Variants in HSF2 observed in about 807,000 individuals in gnomAD.
HSF2 encodes heat shock transcription factor 2.
A neutral mutation model predicts 65.0 loss-of-function variants in HSF2; 21 were observed. That is an observed-to-expected ratio of 0.32 (90% confidence interval 0.23 to 0.47). The LOEUF (loss-of-function observed/expected upper bound fraction) is 0.47, where lower values mean the gene tolerates loss of function less well. Among genes scored for constraint, HSF2 ranks in the 20% least tolerant of loss-of-function variants. The pLI is 1.00. For missense variants in HSF2, 499 were observed against 628.1 expected, an observed-to-expected ratio of 0.79 and a Z score of 2.20; for synonymous variants, 225 against 219.1, an observed-to-expected ratio of 1.03 and a Z score of -0.24.
At chr6:122,420,736 G>C (rs1774217162) in intron 7 of HSF2, among the ~76,000 whole-genome samples, 1 of 63,578 alleles carries the variant, frequency 1.6e-5, no homozygotes, top group African/African-American at 5.6e-5. Flanking sequence ...TTTTGAGATG[G>C]GATTTCACTC....
upstream of HSF2, chr6:122,399,600 T>A: frequency 1.6e-6 from 1 of 636,648 alleles, no homozygotes; most frequent in South Asian, 1.9e-5. Context: ...GCCGCGCGCC[T>A]GGCGGGGTTG....
At chr6:122,412,890 T>A in intron 3 of HSF2, 126 bp downstream of exon 3, 1 of 880,800 alleles carries the variant, frequency 1.1e-6, no homozygotes. Flanking sequence ...ATTAGGATAA[T>A]AAAGTTTTAC....
At position 122,432,106 on chromosome 6, in the gene HSF2, G is replaced by A; in HGVS notation, c.1497G>A (p.Lys499=). ...SSLDPEPTQS[K]LVRLEPLTEA... ...TAGACCCAGAACCAACCCAAAGTAA[G>A]CTTGTTCGCCTGGAGCCATTGACTG... The change falls in exon 13 of 13, where the codon AAG becomes AAA. Residue 499 remains lysine, a synonymous_variant. Transcript: ENST00000368455. 6.2e-7 allele frequency: 1 copy of A among 1,614,112 alleles called. No individual in the cohort carries two copies. The highest frequency in any genetic ancestry group is 8.5e-7 in the Non-Finnish European group (1 of 1,179,988).
In HSF2 at chr6:122,399,698, G is replaced by A; in HGVS notation, c.-40G>A. 6.8e-7 allele frequency: 1 copy of A among 1,481,460 alleles called. No homozygotes were observed. Among genetic ancestry groups the A allele is most frequent in the Non-Finnish European group, 9.3e-7 (1 of 1,072,898 alleles). The allele number at this position is 1,481,460 out of a possible 1,614,324, so 91.8% of individuals were successfully genotyped here. A position where few individuals can be genotyped will look rare whatever the true frequency, so the allele number is the denominator to read the frequency against. On this transcript the variant is annotated 5_prime_UTR_variant, in exon 1 of 13. Transcript: ENST00000368455. ...TAGCTGCCGCCGCCGCTACCACCGC[G>A]TTCGGGTGTAGAATTTGGAATCCCT... is the stretch of plus-strand genomic sequence containing the variant.
intron 5 of HSF2, among the ~76,000 whole-genome samples, chr6:122,417,566 G>T (rs1483097305): frequency 6.6e-6 from 1 of 152,008 alleles, no homozygotes; most frequent in Non-Finnish European, 1.5e-5. Flanking sequence ...TCTGCTCCTG[G>T]AATTTACTCT....
chr6:122,403,076 A>G (rs1312611239), intron 1 of HSF2, among the ~76,000 whole-genome samples: 1 of 151,366 alleles, frequency 6.6e-6, no homozygotes, highest in Non-Finnish European at 1.5e-5. Flanking sequence ...GGGAAAAAAA[A>G]CTCTTACCAA....
chr6:122,407,688 G>T (rs1325453899), intron 1 of HSF2, among the ~76,000 whole-genome samples: 3 of 151,658 alleles, frequency 2.0e-5, no homozygotes, highest in Non-Finnish European at 2.9e-5. Context: ...TTACATTTTA[G>T]TTGTCTAGCA....
chr6:122,410,698 CATA>C (rs1211154558), intron 1 of HSF2, among the ~76,000 whole-genome samples: 2 of 151,856 alleles, frequency 1.3e-5, no homozygotes, highest in Non-Finnish European at 2.9e-5. Flanking sequence ...TATTTCACAG[CATA>C]ATGTTTTCAA....
intron 5 of HSF2, among the ~76,000 whole-genome samples, chr6:122,417,585 G>T (rs45440796): frequency 2.8e-4 from 42 of 152,250 alleles, no homozygotes; most frequent in Non-Finnish European, 5.9e-4. Context: ...CTCAGCCATG[G>T]ATTAATTGAG....
chr6:122,423,970 C>G (rs529843675), intron 10 of HSF2, among the ~76,000 whole-genome samples: 5 of 152,054 alleles, frequency 3.3e-5, no homozygotes, highest in African/African-American at 1.2e-4. Context: ...GGACTTGTTG[C>G]TCTTTTCTGT....
chr6:122,431,416 T>TATA lies in HSF2; in HGVS notation c.1231-14_1231-13insATA, dbSNP rs57738769. On this transcript the variant is annotated splice_polypyrimidine_tract_variant and intron_variant, in intron 11 of 12. Transcript: ENST00000368455. ...TATGAAACAAGTACTTATATATATA[T>TATA]TTTTTTCTTTTAGTCTGAGAATAAA... 2.7e-5 allele frequency: 37 copies of TATA among 1,350,504 alleles called. No individual in the cohort carries two copies. Among genetic ancestry groups the TATA allele is most frequent in the Admixed American group, 4.6e-5 (2 of 43,688 alleles). 83.7% of individuals were successfully genotyped at this position (1,350,504 alleles called of 1,614,324 possible).
chr6:122,414,685 G>A (rs1209588053), intron 4 of HSF2, among the ~76,000 whole-genome samples: 1 of 152,160 alleles, frequency 6.6e-6, no homozygotes, highest in African/African-American at 2.4e-5. Context: ...GGAGTGCAGT[G>A]ACTTGATCTT....
At chr6:122,410,761 A>G (rs1003006366) in intron 1 of HSF2, among the ~76,000 whole-genome samples, 1 of 151,896 alleles carries the variant, frequency 6.6e-6, no homozygotes, top group Admixed American at 6.6e-5. Context: ...TAGGTGAAAT[A>G]ATATTTCATT....
At chr6:122,407,212 A>G (rs956493549) in intron 1 of HSF2, among the ~76,000 whole-genome samples, 3 of 152,228 alleles carry the variant, frequency 2.0e-5, no homozygotes, top group African/African-American at 7.2e-5. Context: ...CAACTGTGTC[A>G]CATGCTGTTA....
intron 4 of HSF2, among the ~76,000 whole-genome samples, chr6:122,415,208 A>G (rs1774096374): frequency 6.6e-6 from 1 of 152,216 alleles, no homozygotes; most frequent in Non-Finnish European, 1.5e-5. Context: ...ATATTTGGCA[A>G]GTTATTAGTT....
At chr6:122,422,012 G>C in intron 7 of HSF2, 138 bp from the exon 8 acceptor site, 3 of 609,110 alleles carry the variant, frequency 4.9e-6, no homozygotes, top group Admixed American at 3.3e-5. Context: ...TGTAAGTTCC[G>C]TAAGAGCAGA....
At chr6:122,412,579 A>G in intron 2 of HSF2, 58 bp from the exon 3 acceptor site, 1 of 1,589,234 alleles carries the variant, frequency 6.3e-7, no homozygotes, top group East Asian at 2.2e-5. Context: ...ATTCCATACA[A>G]GCACCACCAA....
chr6:122,426,207 T>C (rs1448055625), intron 10 of HSF2, among the ~76,000 whole-genome samples: 1 of 152,106 alleles, frequency 6.6e-6, no homozygotes, highest in Non-Finnish European at 1.5e-5. Flanking sequence ...TTCTCTGAGA[T>C]GACAAAAATG....
At chr6:122,427,212 T>C (rs993031313) in intron 10 of HSF2, among the ~76,000 whole-genome samples, 3 of 152,084 alleles carry the variant, frequency 2.0e-5, no homozygotes, top group South Asian at 4.1e-4. Context: ...TCCTTTAGAT[T>C]GTAAGCTCCT....
Sources: gnomAD v4.1 joint callset for allele counts (sites outside exome capture counted in the v4.1 genomes callset) on GRCh38, gnomAD v4.1.1 for gene constraint, MANE v1.5 for transcripts, NCBI Gene and HGNC (gene_info 2026-07-23, HGNC 2026-07-21) for gene names.